Variants in DOCK7 observed in about 807,000 individuals in gnomAD.
DOCK7 encodes dedicator of cytokinesis 7, also known as dedicator of cytokinesis protein 7.
In DOCK7, 138 loss-of-function variants were observed where a neutral mutation model predicts 271.0. That is an observed-to-expected ratio of 0.51 (90% confidence interval 0.44 to 0.59). DOCK7 has a LOEUF of 0.59. Among genes scored for constraint, DOCK7 ranks in the 20% least tolerant of loss-of-function variants. DOCK7 has a pLI of 0.00. For missense variants in DOCK7, 2,066 were observed against 2,592.4 expected (o/e 0.80, Z 4.41); for synonymous variants, 823 against 876.1 (o/e 0.94, Z 1.07).
chr1:62,608,951 C>A (rs553019179), intron 14 of DOCK7: 5 of 152,126 alleles, frequency 3.3e-5, no homozygotes, highest in African/African-American at 7.2e-5. Flanking sequence ...AATTTGTACT[C>A]ATATATACTC....
intron 33 of DOCK7, among the ~76,000 whole-genome samples, chr1:62,512,111 G>A (rs1040806975): frequency 6.6e-6 from 1 of 152,128 alleles, no homozygotes; most frequent in Non-Finnish European, 1.5e-5. Flanking sequence ...GGCAAAGACT[G>A]TGCCTTTTCA....
chr1:62,576,567 T>C (rs997422144), intron 18 of DOCK7, among the ~76,000 whole-genome samples: 2 of 152,240 alleles, frequency 1.3e-5, no homozygotes, highest in African/African-American at 4.8e-5. Flanking sequence ...TTTTGAATTG[T>C]ATTCTGAAAA....
At chr1:62,479,781 T>C in intron 43 of DOCK7, 2 of 333,082 alleles carry the variant, frequency 6.0e-6, no homozygotes, top group Non-Finnish European at 1.3e-5. Context: ...TCTCCTGGGC[T>C]CAAGCGATCC....
chr1:62,547,163 C>T (rs970889118), intron 22 of DOCK7, among the ~76,000 whole-genome samples: 2 of 152,042 alleles, frequency 1.3e-5, no homozygotes, highest in African/African-American at 4.8e-5. Flanking sequence ...TTTATATACA[C>T]AATACTGATG....
At chr1:62,682,206 A>T (rs1171843662) in intron 1 of DOCK7, among the ~76,000 whole-genome samples, 2 of 152,236 alleles carry the variant, frequency 1.3e-5, no homozygotes, top group Non-Finnish European at 2.9e-5. Flanking sequence ...AATCCAAGCA[A>T]GGGTTTGGCT....
intron 1 of DOCK7, among the ~76,000 whole-genome samples, chr1:62,668,395 A>G (rs539976877): frequency 1.3e-5 from 2 of 152,342 alleles, no homozygotes; most frequent in South Asian, 4.1e-4. Flanking sequence ...AATGCAACAT[A>G]TGGTTACTAC....
chr1:62,562,184 G>A (rs1046658704), intron 18 of DOCK7, among the ~76,000 whole-genome samples: 1 of 146,660 alleles, frequency 6.8e-6, no homozygotes, highest in African/African-American at 2.5e-5. Flanking sequence ...TTTTAATTGG[G>A]TCTTAAAATA....
chr1:62,614,147 T>A (rs1652153296), intron 14 of DOCK7, among the ~76,000 whole-genome samples: 2 of 152,072 alleles, frequency 1.3e-5, no homozygotes, highest in Admixed American at 1.3e-4. Flanking sequence ...CCAAATGAGC[T>A]AAAAGATTAT....
At chr1:62,542,438 G>A (rs997611351) in intron 25 of DOCK7, among the ~76,000 whole-genome samples, 170 bp downstream of exon 25, 3 of 152,108 alleles carry the variant, frequency 2.0e-5, no homozygotes, top group Admixed American at 6.6e-5. Context: ...ACTGTGTTGA[G>A]TGTCCACAGT....
intron 14 of DOCK7, chr1:62,608,791 G>C (rs186500457): frequency 2.6e-5 from 4 of 152,156 alleles, no homozygotes; most frequent in African/African-American, 9.6e-5. Flanking sequence ...TGTCATCCTG[G>C]AATCAGCATA....
intron 14 of DOCK7, among the ~76,000 whole-genome samples, chr1:62,589,308 T>A (rs546836292): frequency 1.3e-5 from 2 of 152,190 alleles, no homozygotes; most frequent in Admixed American, 1.3e-4. Flanking sequence ...AACTCACAGA[T>A]GAAACATATT....
intron 16 of DOCK7, among the ~76,000 whole-genome samples, chr1:62,580,215 G>A (rs1482140349): frequency 6.6e-6 from 1 of 152,072 alleles, no homozygotes; most frequent in African/African-American, 2.4e-5. Flanking sequence ...AACATTAACA[G>A]GTATAGACTT....
chr1:62,596,218 T>A (rs890771421), intron 14 of DOCK7, among the ~76,000 whole-genome samples: 4 of 152,244 alleles, frequency 2.6e-5, no homozygotes, highest in Admixed American at 2.6e-4. Flanking sequence ...TTATGTACTA[T>A]AATTACCCCA....
At chr1:62,459,552 A>C (rs888255075) in intron 48 of DOCK7, among the ~76,000 whole-genome samples, 3 of 152,110 alleles carry the variant, frequency 2.0e-5, no homozygotes, top group South Asian at 2.1e-4. Context: ...ATACAAAAAA[A>C]CCCTCTGAAT....
At chr1:62,485,064 G>C in intron 43 of DOCK7, 1 of 769,734 alleles carries the variant, frequency 1.3e-6, no homozygotes, top group Non-Finnish European at 1.6e-6. Flanking sequence ...AACTCAGGAG[G>C]TGTCAAGGCT....
chr1:62,638,211 A>G (rs966474857), intron 7 of DOCK7: 2 of 152,152 alleles, frequency 1.3e-5, no homozygotes, highest in Non-Finnish European at 2.9e-5. Context: ...TCTAGAAATG[A>G]GCACACTGCC....
chr1:62,580,716 A>C (rs1322507312), intron 16 of DOCK7, among the ~76,000 whole-genome samples: 1 of 152,200 alleles, frequency 6.6e-6, no homozygotes, highest in African/African-American at 2.4e-5. Context: ...AACAGCAGGA[A>C]TATAAGTAAG....
At chr1:62,667,267 C>A (rs1284155602) in intron 1 of DOCK7, among the ~76,000 whole-genome samples, 4 of 151,184 alleles carry the variant, frequency 2.6e-5, no homozygotes, top group Non-Finnish European at 5.9e-5. Flanking sequence ...TATAAAGTCA[C>A]AAAAAAAATA....
At chr1:62,466,441 T>C (rs894605148) in intron 48 of DOCK7, among the ~76,000 whole-genome samples, 5 of 152,192 alleles carry the variant, frequency 3.3e-5, no homozygotes, top group Admixed American at 1.3e-4. Context: ...AAGCTTCTGG[T>C]TGAACAACAA....
Sources: gnomAD v4.1 joint callset for allele counts (sites outside exome capture counted in the v4.1 genomes callset) on GRCh38, gnomAD v4.1.1 for gene constraint, MANE v1.5 for transcripts, NCBI Gene and HGNC (gene_info 2026-07-23, HGNC 2026-07-21) for gene names.